Variants in DST observed in about 807,000 individuals in gnomAD.
DST encodes the protein dystonin.
Under a neutral mutation model 875.2 loss-of-function variants are expected in DST, and 253 were observed. That is an observed-to-expected ratio of 0.29 (90% CI 0.26 to 0.32). The LOEUF (loss-of-function observed/expected upper bound fraction) is 0.32, where lower values mean the gene tolerates loss of function less well. DST is among the 10% of genes least tolerant of loss of function. The pLI, the probability that DST is intolerant of heterozygous loss-of-function variation, is 1.00. For missense variants in DST, 8,287 were observed against 9,111.6 expected (o/e 0.91, Z 3.68); for synonymous variants, 3,124 against 3,197.1 (o/e 0.98, Z 0.77).
At chr6:56,632,754 G>T (rs970130860) in intron 28 of DST, 100 bp downstream of exon 28, 28 of 921,854 alleles carry the variant, frequency 3.0e-5, no homozygotes, top group Non-Finnish European at 4.5e-5. Flanking sequence ...CATAGGCTGG[G>T]TGATACAATA....
At chr6:56,562,724 C>G (rs1398679528) in intron 55 of DST, among the ~76,000 whole-genome samples, 1 of 151,998 alleles carries the variant, frequency 6.6e-6, no homozygotes, top group Non-Finnish European at 1.5e-5. Flanking sequence ...TCTCCTAATG[C>G]TATCCACCCC....
intron 3 of DST, among the ~76,000 whole-genome samples, chr6:56,853,849 AAG>A (rs1452348089): frequency 2.0e-5 from 3 of 152,226 alleles, no homozygotes; most frequent in African/African-American, 7.2e-5. Flanking sequence ...GTAAACAGAT[AAG>A]AGAGAAAAAG....
At chr6:56,771,172 T>G (rs576942479) in intron 4 of DST, among the ~76,000 whole-genome samples, 19 of 152,200 alleles carry the variant, frequency 1.2e-4, no homozygotes, top group African/African-American at 4.1e-4. Context: ...AAAACTCTGA[T>G]TATACAATTA....
intron 4 of DST, among the ~76,000 whole-genome samples, chr6:56,773,641 G>A (rs1368976153): frequency 2.6e-5 from 4 of 152,078 alleles, no homozygotes; most frequent in African/African-American, 7.2e-5. Context: ...GAGTATGTGG[G>A]CCCAGTGTTG....
chr6:56,609,594 A>G (rs971366839), intron 39 of DST, among the ~76,000 whole-genome samples: 1 of 152,222 alleles, frequency 6.6e-6, no homozygotes. Flanking sequence ...TGAAAACTTG[A>G]TATCGTGTAT....
chr6:56,603,114 C>CTA, intron 42 of DST, 83 bp from the exon 43 acceptor site: 1 of 1,522,788 alleles, frequency 6.6e-7, no homozygotes, highest in South Asian at 1.2e-5. Context: ...TAAGAGTTAG[C>CTA]ACTCTAAAAC....
Position 56,497,946 on chromosome 6 carries a change from C to A in DST, c.20004G>T (p.Gln6668His). Reference sequence around the variant, plus strand: ...GTTGATTTAAAACCTCTAGCTTGTTCTGAAGGTTGCTTGCTTCTTCTCCTG... The same window carrying A: ...GTTGATTTAAAACCTCTAGCTTGTTATGAAGGTTGCTTGCTTCTTCTCCTG... ...SSAGEEASNL[Q>H]NKLEVLNQRW... The change falls in exon 81 of 104, where the codon CAG becomes CAT. Residue 6668 changes from glutamine (Q) to histidine (H), a missense_variant. This residue lies in a region of DST where 1,292 missense variants were observed against 1,552.7 expected (regional missense o/e 0.83). Coordinates refer to ENST00000680361, the MANE Select transcript of DST (RefSeq NM_001374736.1). 1 of 1,613,486 alleles carries A rather than the reference C, an allele frequency of 6.2e-7. No homozygotes were observed. The highest frequency in any genetic ancestry group is 2.2e-5 in the East Asian group (1 of 44,876).
intron 36 of DST, among the ~76,000 whole-genome samples, chr6:56,622,662 G>C (rs2098701732): frequency 6.7e-6 from 1 of 149,894 alleles, no homozygotes; most frequent in African/African-American, 2.5e-5. Context: ...TAGTCCAATT[G>C]CTGACTTGCT....
Position 56,645,792 on chromosome 6 carries a change from C to CTTAA in DST, c.1778+70_1778+73dup, listed in dbSNP as rs138588356. ...CAAGGCCAAGTAAACAGAGGTTTAACTTAAGTTCTTTCACAAGAACACAAA... is the reference window on the plus strand; with the variant it reads ...CAAGGCCAAGTAAACAGAGGTTTAACTTAATTAAGTTCTTTCACAAGAACACAAA... On this transcript the variant is annotated intron_variant, in intron 15 of 103. Coordinates refer to ENST00000680361, the MANE Select transcript of DST (RefSeq NM_001374736.1). 2.7e-4 allele frequency: 418 copies of CTTAA among 1,555,516 alleles called. 1 individual carries two copies. In the African/African-American group the frequency reaches 5.2e-3, roughly 19 times the overall value.
chr6:56,634,280 T>A (rs746052575), intron 26 of DST, 22 bp from the exon 27 acceptor site: 1 of 1,613,734 alleles, frequency 6.2e-7, no homozygotes, highest in Non-Finnish European at 8.5e-7. Flanking sequence ...GAAAGAGAAC[T>A]CAGATTAATG....
chr6:56,765,099 T>C, intron 4 of DST, among the ~76,000 whole-genome samples: 1 of 152,170 alleles, frequency 6.6e-6, no homozygotes, highest in South Asian at 2.1e-4. Flanking sequence ...GAATAACTTA[T>C]TCAGTGGTTC....
chr6:56,565,509 C>G (rs1181209535), intron 55 of DST, among the ~76,000 whole-genome samples: 2 of 152,184 alleles, frequency 1.3e-5, no homozygotes, highest in Non-Finnish European at 2.9e-5. Flanking sequence ...AGCTGTGAAT[C>G]TGTCTGGTCC....
chr6:56,656,725 A>G (rs1191747915), intron 10 of DST, among the ~76,000 whole-genome samples: 2 of 152,226 alleles, frequency 1.3e-5, no homozygotes, highest in Admixed American at 1.3e-4. Flanking sequence ...ACTGAGAACT[A>G]ACTAAACAGT....
chr6:56,899,842 T>C (rs907572604), intron 3 of DST, among the ~76,000 whole-genome samples: 30 of 152,162 alleles, frequency 2.0e-4, no homozygotes. Flanking sequence ...AAAGGTGGCA[T>C]TGTGGCCAAC....
chr6:56,459,764 G>T (rs558620774), intron 103 of DST, among the ~76,000 whole-genome samples: 1 of 152,150 alleles, frequency 6.6e-6, no homozygotes, highest in East Asian at 1.9e-4. Flanking sequence ...ATTATTTTGC[G>T]AAGCAATGTG....
At chr6:56,792,403 A>C (rs1239822489) in intron 4 of DST, among the ~76,000 whole-genome samples, 2 of 152,198 alleles carry the variant, frequency 1.3e-5, no homozygotes, top group African/African-American at 4.8e-5. Context: ...TACAGGAGAG[A>C]AAAAGTAGTA....
intron 4 of DST, among the ~76,000 whole-genome samples, chr6:56,766,019 G>A (rs566550359): frequency 4.2e-4 from 64 of 152,246 alleles, no homozygotes; most frequent in African/African-American, 1.3e-3. Flanking sequence ...CTAGTCACAC[G>A]CACAAGTTAG....
intron 100 of DST, 131 bp from the exon 101 acceptor site, chr6:56,463,895 T>A (rs776061176): frequency 8.4e-6 from 8 of 952,130 alleles, no homozygotes; most frequent in Non-Finnish European, 1.4e-5. Flanking sequence ...CTTTTTGCCA[T>A]GCCAACTCCA....
At chr6:56,482,437 A>C (rs2095432824) in intron 89 of DST, 2 of 528,486 alleles carry the variant, frequency 3.8e-6, no homozygotes, top group Non-Finnish European at 6.3e-6. Context: ...AGTCCATCAT[A>C]CTTCCAAGCT....
Sources: gnomAD v4.1 joint callset for allele counts (sites outside exome capture counted in the v4.1 genomes callset) on GRCh38, gnomAD v4.1.1 for gene constraint, gnomAD v4.1.1 regional missense constraint, MANE v1.5 for transcripts, NCBI Gene and HGNC (gene_info 2026-07-23, HGNC 2026-07-21) for gene names.